CCDC180: variants seen among roughly 807,000 people sequenced by gnomAD.
CCDC180 encodes coiled-coil domain-containing protein 180.
CCDC180 carries 154 observed loss-of-function variants against 209.2 expected under a neutral mutation model. The ratio of observed to expected loss-of-function variants is 0.74; its 90% CI spans 0.65 to 0.84. The LOEUF is 0.84. CCDC180 is among the 40% of genes least tolerant of loss of function. CCDC180 has a pLI of 0.00. For missense variants in CCDC180, 1,874 were observed against 1,997.3 expected, an observed-to-expected ratio of 0.94 and a Z score of 1.18; for synonymous variants, 778 against 749.1, an observed-to-expected ratio of 1.04 and a Z score of -0.63.
chr9:97,366,747 AGCCAGTGGTG>A lies in CCDC180; in HGVS notation c.4189+49_4189+58del. ...GCACGGGGAACAGGGCGGGGCGCGA[AGCCAGTGGTG>A]GAGCTCGGCCTTGGCCTTGTGGCCT... On this transcript the variant is annotated intron_variant, in intron 31 of 36. Coordinates refer to ENST00000529487, the MANE Select transcript of CCDC180 (RefSeq NM_020893.6). This position sits in a 1 kb window ranked among gnomAD's most constrained non-coding sequence, Gnocchi z 4.3. 6.3e-7 allele frequency: 1 copy of A among 1,599,096 alleles called. No homozygotes were observed. The highest frequency in any genetic ancestry group is 8.5e-7 in the Non-Finnish European group (1 of 1,172,066).
At chr9:97,354,190 G>T (rs577023425) in intron 22 of CCDC180, among the ~76,000 whole-genome samples, 1 of 151,806 alleles carries the variant, frequency 6.6e-6, no homozygotes, top group South Asian at 2.1e-4. Context: ...TAGAGACAGG[G>T]TCCTGCTGCC....
chr9:97,316,424 C>G (rs1190496522), intron 8 of CCDC180, among the ~76,000 whole-genome samples: 1 of 152,180 alleles, frequency 6.6e-6, no homozygotes, highest in Non-Finnish European at 1.5e-5. Flanking sequence ...CACCCACTGC[C>G]CCAGCATACT....
chr9:97,358,063 C>G (rs1826635404), intron 25 of CCDC180: 1 of 188,128 alleles, frequency 5.3e-6, no homozygotes. Flanking sequence ...AGATGCATGA[C>G]AGAAGCAGGG....
intron 36 of CCDC180, 117 bp from the exon 37 acceptor site, chr9:97,376,646 C>A: frequency 1.9e-6 from 2 of 1,070,866 alleles, no homozygotes; most frequent in Middle Eastern, 3.2e-4. Context: ...TTGGAGAACT[C>A]TTGCCAGTGC....
chr9:97,371,012 G>A (rs1027429453), intron 33 of CCDC180: 39 of 235,466 alleles, frequency 1.7e-4, no homozygotes, highest in Admixed American at 7.3e-4. Flanking sequence ...GCCGGACTGC[G>A]GACTGCAGTG....
intron 13 of CCDC180, 46 bp from the exon 14 acceptor site, chr9:97,324,973 G>A (rs779093037): frequency 7.0e-6 from 11 of 1,579,564 alleles, no homozygotes; most frequent in Non-Finnish European, 9.5e-6. Context: ...TCTTGGCCCT[G>A]GGACTGTCAG....
At chr9:97,315,009 G>T in intron 8 of CCDC180, 63 bp downstream of exon 8, 1 of 1,277,196 alleles carries the variant, frequency 7.8e-7, no homozygotes, top group Non-Finnish European at 1.1e-6. Flanking sequence ...GGAACCCAGG[G>T]CACCCCGAGC....
intron 19 of CCDC180, among the ~76,000 whole-genome samples, chr9:97,344,160 T>C (rs1337294504): frequency 1.3e-5 from 2 of 152,186 alleles, no homozygotes; most frequent in Non-Finnish European, 2.9e-5. Context: ...TGGGCCTTTG[T>C]GTTTGAGTTT....
At chr9:97,342,379 C>T (rs921638916) in intron 18 of CCDC180, among the ~76,000 whole-genome samples, 1 of 152,222 alleles carries the variant, frequency 6.6e-6, no homozygotes, top group Non-Finnish European at 1.5e-5. Context: ...GTCTCAAACT[C>T]ATGACCTCAA....
rs559725626 is a variant in CCDC180, at chr9:97,343,361, C to G, written c.2296C>G (p.Leu766Val). The G allele has an allele frequency of 5.0e-6, 8 of 1,611,214 alleles. No homozygotes were observed. In the South Asian group the frequency reaches 5.5e-5, roughly 11 times the overall value. The change falls in exon 19 of 37, where the codon CTA (leucine) becomes GTA (valine). Residue 766 changes from leucine (L) to valine (V), a missense_variant. By Grantham distance (32) the Leu-to-Val change is conservative. Transcript: ENST00000529487. ...VGEEEDKEEG[L>V]EEIYYEDMES... ...TTAGGAAGAAGACAAGGAAGAGGGT[C>G]TAGAGGAGATATACTATGAGGACAT... is the stretch of plus-strand genomic sequence containing the variant.
chr9:97,319,008 C>T (rs561385160), intron 10 of CCDC180, among the ~76,000 whole-genome samples: 11 of 152,262 alleles, frequency 7.2e-5, no homozygotes, highest in African/African-American at 2.4e-4. Flanking sequence ...TGGACACTCT[C>T]CTCAGATGTG....
chr9:97,334,309 T>C (rs1280006956), intron 18 of CCDC180, among the ~76,000 whole-genome samples: 2 of 152,218 alleles, frequency 1.3e-5, no homozygotes, highest in Non-Finnish European at 2.9e-5. Flanking sequence ...TTAAGGAGTG[T>C]TTGTCATGTG....
chr9:97,364,414 T>C (rs564440868), intron 29 of CCDC180: 3 of 362,502 alleles, frequency 8.3e-6, no homozygotes, highest in African/African-American at 6.5e-5. Context: ...TTTGTAATTT[T>C]TTTCAGTGCT....
chr9:97,339,414 T>C (rs1200951823), intron 18 of CCDC180, among the ~76,000 whole-genome samples: 1 of 152,256 alleles, frequency 6.6e-6, no homozygotes, highest in African/African-American at 2.4e-5. Context: ...CCTTCACTTA[T>C]GAAGCTTAGT....
intron 31 of CCDC180, chr9:97,369,554 T>C: frequency 5.2e-6 from 1 of 191,762 alleles, no homozygotes; most frequent in South Asian, 1.0e-4. Context: ...ACTCCTGGGC[T>C]TAAGCAATCC....
chr9:97,378,021 A>C lies in CCDC180; in HGVS notation c.*1127A>C, dbSNP rs534398323. 1.3e-5 allele frequency: 2 copies of C among 152,258 alleles called. No individual in the cohort carries two copies. Among genetic ancestry groups the C allele is most frequent in the African/African-American group, 4.8e-5 (2 of 41,550 alleles). 9.4% of individuals were successfully genotyped at this position (152,258 alleles called of 1,614,324 possible). On this transcript the variant is annotated 3_prime_UTR_variant, in exon 37 of 37. Transcript: ENST00000529487. ...AGCTGAGGCAACATGACGAAACCCC[A>C]TATCTACTAAAAATACAAAAAGTTA...
At chr9:97,345,304 G>GTGGT (rs1181690513) in intron 19 of CCDC180, among the ~76,000 whole-genome samples, 2 of 152,210 alleles carry the variant, frequency 1.3e-5, no homozygotes, top group African/African-American at 2.4e-5. Flanking sequence ...GTTTTCAAAA[G>GTGGT]TGGTTTTTAA....
rs148433976 is a variant in CCDC180, at chr9:97,316,304, G to T, written c.796-761G>T. On this transcript the variant is annotated intron_variant, in intron 8 of 36. Transcript: ENST00000529487. ...TCTTACGGCTGTGGATCTGTAGGTT[G>T]AGGAAATACTTGCCAGTGCCACCCA... Among the ~76,000 whole-genome samples, 92 of 152,336 alleles carry T rather than the reference G, an allele frequency of 6.0e-4. 2 individuals are homozygous for T. The East Asian group carries it at 0.018, about 29-fold the overall frequency.
At chr9:97,349,495 A>C (rs775538246) in intron 21 of CCDC180, among the ~76,000 whole-genome samples, 2 of 152,216 alleles carry the variant, frequency 1.3e-5, no homozygotes, top group Non-Finnish European at 2.9e-5. Context: ...GCAGCCAGAG[A>C]GCAAAGTATA....
Sources: gnomAD v4.1 joint callset for allele counts (sites outside exome capture counted in the v4.1 genomes callset) on GRCh38, gnomAD v4.1.1 for gene constraint, Gnocchi (gnomAD v3.1) non-coding constraint, MANE v1.5 for transcripts, NCBI Gene and HGNC (gene_info 2026-07-23, HGNC 2026-07-21) for gene names.